NALF1: variants seen among roughly 807,000 people sequenced by gnomAD.
The protein encoded by NALF1 is family with sequence similarity 155 member A.
NALF1 carries 3 observed loss-of-function variants against 48.4 expected under a neutral mutation model. The observed-to-expected ratio is 0.06, with a 90% CI of 0.03 to 0.16. The LOEUF (loss-of-function observed/expected upper bound fraction) is 0.16. NALF1 is among the 10% of genes least tolerant of loss of function. The probability of loss-of-function intolerance (pLI) is 1.00; values close to 1 mark genes in which losing one functional copy is unlikely to be tolerated. For missense variants in NALF1, 526 were observed against 571.5 expected, an observed-to-expected ratio of 0.92 and a Z score of 0.81; for synonymous variants, 262 against 245.7, an observed-to-expected ratio of 1.07 and a Z score of -0.62.
chr13:107,594,512 T>C (rs1299388829), intron 1 of NALF1, among the ~76,000 whole-genome samples: 1 of 152,044 alleles, frequency 6.6e-6, no homozygotes, highest in Non-Finnish European at 1.5e-5. Flanking sequence ...TATGTATTTT[T>C]TCTGCTAAAG....
chr13:107,555,910 G>A (rs1015326367), intron 1 of NALF1, among the ~76,000 whole-genome samples: 1 of 151,958 alleles, frequency 6.6e-6, no homozygotes, highest in Non-Finnish European at 1.5e-5. Context: ...TGAGAATATT[G>A]TTGAAATCAA....
In NALF1 at chr13:107,218,140, G is replaced by A. The variant is rs902588624; in HGVS notation, c.916-7385C>T. Reference sequence around the variant, plus strand: ...TGTGCAGCGTGCCCTCGGTGGCTCTGCACCAGGCTCTTCCTTCCACCTCCC... The same window carrying A: ...TGTGCAGCGTGCCCTCGGTGGCTCTACACCAGGCTCTTCCTTCCACCTCCC... On this transcript the variant is annotated intron_variant, in intron 1 of 2. Coordinates refer to ENST00000375915, the MANE Select transcript of NALF1 (RefSeq NM_001080396.3). Among the ~76,000 whole-genome samples, 3 of 152,098 alleles carry A rather than the reference G, an allele frequency of 2.0e-5. No individual in the cohort carries two copies. The East Asian group carries it at 5.8e-4, about 29-fold the overall frequency.
At chr13:107,704,561 T>C (rs34861227) in intron 1 of NALF1, among the ~76,000 whole-genome samples, 8 of 151,948 alleles carry the variant, frequency 5.3e-5, no homozygotes, top group Admixed American at 5.2e-4. Context: ...AATGCAATAG[T>C]GTTTATTTTG....
intron 1 of NALF1, among the ~76,000 whole-genome samples, chr13:107,403,458 G>C (rs774851726): frequency 6.6e-6 from 1 of 151,636 alleles, no homozygotes; most frequent in Non-Finnish European, 1.5e-5. Context: ...TAGCATGCTT[G>C]AAGTGATTAG....
At chr13:107,561,130 C>T (rs1038922975) in intron 1 of NALF1, among the ~76,000 whole-genome samples, 2 of 152,176 alleles carry the variant, frequency 1.3e-5, no homozygotes, top group African/African-American at 4.8e-5. Context: ...TATTCTCCTA[C>T]AACAATGCAG....
intron 1 of NALF1, among the ~76,000 whole-genome samples, chr13:107,311,034 G>A (rs536797943): frequency 5.3e-5 from 8 of 152,268 alleles, no homozygotes; most frequent in Non-Finnish European, 1.0e-4. Context: ...GGGAAAAAAA[G>A]GTATCAACTT....
intron 1 of NALF1, among the ~76,000 whole-genome samples, chr13:107,436,969 C>T (rs924582786): frequency 1.3e-5 from 2 of 151,976 alleles, no homozygotes; most frequent in Non-Finnish European, 2.9e-5. Flanking sequence ...CATGACTTGT[C>T]AAAATATTTT....
At chr13:107,263,812 C>G (rs1351823577) in intron 1 of NALF1, among the ~76,000 whole-genome samples, 2 of 152,148 alleles carry the variant, frequency 1.3e-5, no homozygotes, top group African/African-American at 4.8e-5. Context: ...GTCTGTACAA[C>G]CCATCCAATT....
rs1254613505 is a variant in NALF1 at position 107,494,408 on chromosome 13, G to A, written c.916-283653C>T. On this transcript the variant is annotated intron_variant, in intron 1 of 2. Coordinates refer to ENST00000375915, the MANE Select transcript of NALF1 (RefSeq NM_001080396.3). ...ACAGAAAAAAGCAACAGAATAAAAG[G>A]GCAAAACCCAAATGGACGATGAAAA... Among the ~76,000 whole-genome samples the A allele has an allele frequency of 2.6e-5, 4 of 152,192 alleles. No homozygotes were observed. In the East Asian group the frequency reaches 7.7e-4, roughly 29 times the overall value.
At chr13:107,529,696 GATGTGATGAATT>G (rs1338251933) in intron 1 of NALF1, among the ~76,000 whole-genome samples, 8 of 152,142 alleles carry the variant, frequency 5.3e-5, no homozygotes, top group Non-Finnish European at 7.4e-5. Flanking sequence ...ATGATTGGAA[GATGTGATGAATT>G]AATTACATCT....
intron 1 of NALF1, among the ~76,000 whole-genome samples, chr13:107,809,489 CA>C (rs1225949113): frequency 2.0e-5 from 3 of 152,094 alleles, no homozygotes; most frequent in Admixed American, 6.6e-5. Flanking sequence ...AGCAAAATTT[CA>C]AACTCTAGAA....
intron 1 of NALF1, among the ~76,000 whole-genome samples, chr13:107,226,283 T>A (rs2138820357): frequency 6.6e-6 from 1 of 152,296 alleles, no homozygotes; most frequent in South Asian, 2.1e-4. Context: ...CGGTTTTATT[T>A]TATTCCTTAG....
chr13:107,338,491 A>G (rs1190007997), intron 1 of NALF1, among the ~76,000 whole-genome samples: 1 of 152,228 alleles, frequency 6.6e-6, no homozygotes, highest in Non-Finnish European at 1.5e-5. Context: ...TGTCCTCTAG[A>G]GCTAGGCTGC....
chr13:107,554,738 C>T (rs1877404932), intron 1 of NALF1, among the ~76,000 whole-genome samples: 1 of 152,142 alleles, frequency 6.6e-6, no homozygotes, highest in African/African-American at 2.4e-5. Context: ...ACATTTGCTA[C>T]CCGCAGTTTT....
intron 1 of NALF1, among the ~76,000 whole-genome samples, chr13:107,512,767 A>G (rs547075759): frequency 5.3e-5 from 8 of 152,252 alleles, no homozygotes; most frequent in African/African-American, 1.9e-4. Flanking sequence ...AGGGGTGGTA[A>G]GTAACTCCAG....
chr13:107,430,961 G>GT (rs1884369698), intron 1 of NALF1, among the ~76,000 whole-genome samples: 1 of 152,112 alleles, frequency 6.6e-6, no homozygotes, highest in South Asian at 2.1e-4. Flanking sequence ...TCCAGCACCT[G>GT]TTTTTTCCTG....
chr13:107,571,160 A>C (rs188239792), intron 1 of NALF1, among the ~76,000 whole-genome samples: 1 of 152,352 alleles, frequency 6.6e-6, no homozygotes, highest in African/African-American at 2.4e-5. Context: ...TAAAATCCTT[A>C]GAATTTCCTG....
chr13:107,300,343 G>A (rs1420542238), intron 1 of NALF1, among the ~76,000 whole-genome samples: 5 of 152,156 alleles, frequency 3.3e-5, no homozygotes, highest in African/African-American at 9.6e-5. Flanking sequence ...ATAAACACAC[G>A]ATATGAATAT....
At chr13:107,266,041 A>C (rs1881032000) in intron 1 of NALF1, among the ~76,000 whole-genome samples, 1 of 152,186 alleles carries the variant, frequency 6.6e-6, no homozygotes, top group South Asian at 2.1e-4. Context: ...TATTCCTAAG[A>C]TCAGTAAAGA....
Sources: gnomAD v4.1 joint callset for allele counts (sites outside exome capture counted in the v4.1 genomes callset) on GRCh38, gnomAD v4.1.1 for gene constraint, MANE v1.5 for transcripts, NCBI Gene and HGNC (gene_info 2026-07-23, HGNC 2026-07-21) for gene names.